Variants in TSPAN18 observed in about 807,000 individuals in gnomAD.
TSPAN18 encodes tetraspanin-18.
TSPAN18 carries 14 observed loss-of-function variants against 27.3 expected under a neutral mutation model. That is an observed-to-expected ratio of 0.51 (90% CI 0.34 to 0.80). The LOEUF is 0.80. Among genes scored for constraint, TSPAN18 ranks in the 30% least tolerant of loss-of-function variants. The probability of loss-of-function intolerance (pLI) is 0.01; values close to 1 mark genes in which losing one functional copy is unlikely to be tolerated. For missense variants in TSPAN18, 268 were observed against 323.9 expected, an observed-to-expected ratio of 0.83 and a Z score of 1.32; for synonymous variants, 143 against 136.5, an observed-to-expected ratio of 1.05 and a Z score of -0.33.
intron 8 of TSPAN18, among the ~76,000 whole-genome samples, chr11:44,920,780 G>C (rs1204819204): frequency 6.6e-6 from 1 of 152,198 alleles, no homozygotes; most frequent in Non-Finnish European, 1.5e-5. Flanking sequence ...GAGAGTTCCA[G>C]ATGCAAGAGA....
At chr11:44,805,817 G>T (rs1017379283) in intron 2 of TSPAN18, among the ~76,000 whole-genome samples, 4 of 152,032 alleles carry the variant, frequency 2.6e-5, no homozygotes, top group African/African-American at 9.7e-5. Context: ...GCATTCCGTG[G>T]TTTGTAGACG....
At chr11:44,831,048 A>G (rs1443273632) in intron 2 of TSPAN18, among the ~76,000 whole-genome samples, 2 of 152,114 alleles carry the variant, frequency 1.3e-5, no homozygotes, top group Non-Finnish European at 2.9e-5. Flanking sequence ...AGGAGGTGGA[A>G]GTTGCAGTGA....
chr11:44,900,689 T>C (rs1859229539), intron 3 of TSPAN18, among the ~76,000 whole-genome samples: 1 of 120,632 alleles, frequency 8.3e-6, no homozygotes, highest in Non-Finnish European at 1.8e-5. Flanking sequence ...GCTTTTTTTT[T>C]TTTTTTTTTT....
intron 1 of TSPAN18, among the ~76,000 whole-genome samples, chr11:44,732,284 C>T (rs1337090615): frequency 6.6e-6 from 1 of 152,248 alleles, no homozygotes; most frequent in African/African-American, 2.4e-5. Flanking sequence ...TTGGGGAATG[C>T]TGCCGCCCGC....
intron 2 of TSPAN18, among the ~76,000 whole-genome samples, chr11:44,812,449 G>A (rs1374908489): frequency 1.3e-5 from 2 of 152,182 alleles, no homozygotes; most frequent in Non-Finnish European, 2.9e-5. Context: ...TGATGTTGCA[G>A]TTAAACTAAA....
intron 5 of TSPAN18, among the ~76,000 whole-genome samples, chr11:44,914,414 T>C (rs1859830026): frequency 6.6e-6 from 1 of 152,222 alleles, no homozygotes; most frequent in South Asian, 2.1e-4. Context: ...AAAATGAGGA[T>C]AATCATACTT....
intron 3 of TSPAN18, among the ~76,000 whole-genome samples, chr11:44,885,329 A>G (rs1427189021): frequency 6.6e-6 from 1 of 152,100 alleles, no homozygotes; most frequent in East Asian, 1.9e-4. Context: ...GGAGAAGATA[A>G]TGATGATTGT....
intron 2 of TSPAN18, among the ~76,000 whole-genome samples, chr11:44,822,546 C>T (rs2863121): frequency 0.18 from 27,758 of 151,354 alleles, 2,817 homozygotes; most frequent in South Asian, 0.39. Context: ...TTGGGCGTCA[C>T]TTCCACTATC....
chr11:44,835,220 T>C (rs976437629), intron 2 of TSPAN18, among the ~76,000 whole-genome samples: 13 of 152,276 alleles, frequency 8.5e-5, no homozygotes, highest in Non-Finnish European at 2.9e-5. Flanking sequence ...TGCTGGAGTA[T>C]GGGCAGCCCC....
rs377124605 is a variant in TSPAN18, at chr11:44,890,498, C to T, written c.-10-15909C>T. Among the ~76,000 whole-genome samples, 17 of 151,686 alleles carry T rather than the reference C, an allele frequency of 1.1e-4. No homozygotes were observed. The South Asian group carries it at 1.7e-3, about 15-fold the overall frequency. The stretch of plus-strand genomic sequence containing the variant: ...CAGCACTTTGGTAGGCCAAGGCAGG[C>T]GGATCACGAGGTCAGGAGATCGAGA... On this transcript the variant is annotated intron_variant, in intron 3 of 9. Coordinates refer to ENST00000520358, the MANE Select transcript of TSPAN18 (RefSeq NM_130783.5).
At chr11:44,756,008 T>A (rs970438529) in intron 1 of TSPAN18, among the ~76,000 whole-genome samples, 2 of 151,720 alleles carry the variant, frequency 1.3e-5, no homozygotes, top group African/African-American at 4.8e-5. Flanking sequence ...AAGAGGGAGA[T>A]GGAGAGAGAG....
chr11:44,878,132 A>G (rs1858388806), intron 3 of TSPAN18, among the ~76,000 whole-genome samples: 2 of 151,694 alleles, frequency 1.3e-5, no homozygotes, highest in Non-Finnish European at 2.9e-5. Flanking sequence ...ATACCATTAA[A>G]TGCCCCTTCC....
chr11:44,842,455 G>A (rs764205110), intron 2 of TSPAN18, among the ~76,000 whole-genome samples: 7 of 152,168 alleles, frequency 4.6e-5, no homozygotes, highest in African/African-American at 7.2e-5. Flanking sequence ...ATGCATGACC[G>A]TGTATTTCTC....
intron 1 of TSPAN18, among the ~76,000 whole-genome samples, chr11:44,747,477 G>A (rs1855107430): frequency 6.6e-6 from 1 of 152,158 alleles, no homozygotes; most frequent in African/African-American, 2.4e-5. Flanking sequence ...TGTTTGTACT[G>A]AGCCTGGTTT....
intron 3 of TSPAN18, among the ~76,000 whole-genome samples, chr11:44,878,021 A>G (rs143560273): frequency 1.3e-5 from 2 of 152,004 alleles, no homozygotes; most frequent in Admixed American, 6.5e-5. Flanking sequence ...ACACAGAAGC[A>G]CAATAGACTG....
intron 1 of TSPAN18, among the ~76,000 whole-genome samples, chr11:44,759,613 T>A (rs752731770): frequency 2.6e-5 from 4 of 152,182 alleles, no homozygotes; most frequent in African/African-American, 7.2e-5. Context: ...ATCCACCCAG[T>A]CATTTTCCCA....
Position 44,918,110 on chromosome 11 carries a change from G to T in TSPAN18, c.333+64G>T, listed in dbSNP as rs1405584881. 7.8e-6 allele frequency: 12 copies of T among 1,531,710 alleles called. No homozygotes were observed. In the East Asian group the frequency reaches 2.0e-4, roughly 26 times the overall value. 94.9% of individuals were successfully genotyped at this position (1,531,710 alleles called of 1,614,324 possible). ...CAGCAAGGGGTTGGTGGCCATTCAGGTCTGGCTCCTCCCCTCCTTGAAGGG... is the reference window on the plus strand; with the variant it reads ...CAGCAAGGGGTTGGTGGCCATTCAGTTCTGGCTCCTCCCCTCCTTGAAGGG... On this transcript the variant is annotated intron_variant, in intron 6 of 9. Transcript: ENST00000520358.
intron 3 of TSPAN18, among the ~76,000 whole-genome samples, chr11:44,863,049 C>T (rs374214894): frequency 2.0e-5 from 3 of 152,056 alleles, no homozygotes; most frequent in Non-Finnish European, 2.9e-5. Context: ...TTAAGGGAGA[C>T]GATCAAAGTC....
intron 2 of TSPAN18, among the ~76,000 whole-genome samples, chr11:44,813,814 G>C (rs1168192798): frequency 6.6e-6 from 1 of 152,174 alleles, no homozygotes; most frequent in Non-Finnish European, 1.5e-5. Context: ...ATCACAGAGG[G>C]CTGAGCTGAG....
Sources: gnomAD v4.1 joint callset for allele counts (sites outside exome capture counted in the v4.1 genomes callset) on GRCh38, gnomAD v4.1.1 for gene constraint, MANE v1.5 for transcripts, NCBI Gene and HGNC (gene_info 2026-07-23, HGNC 2026-07-21) for gene names.